VPS13B: variants seen among roughly 807,000 people sequenced by gnomAD.
VPS13B encodes the protein intermembrane lipid transfer protein VPS13B.
A neutral mutation model predicts 426.4 loss-of-function variants in VPS13B; 285 were observed. That is an observed-to-expected ratio of 0.67 (90% CI 0.61 to 0.74). VPS13B has a LOEUF of 0.74. Among genes scored for constraint, VPS13B ranks in the 30% least tolerant of loss-of-function variants. The pLI is 0.00. For synonymous variants in VPS13B, 1,676 were observed against 1,676.4 expected, an observed-to-expected ratio of 1.00 and a Z score of 0.01; for missense variants, 4,537 against 4,782.6, an observed-to-expected ratio of 0.95 and a Z score of 1.51.
intron 33 of VPS13B, among the ~76,000 whole-genome samples, chr8:99,598,716 T>G (rs1250073330): frequency 6.6e-6 from 1 of 151,934 alleles, no homozygotes; most frequent in East Asian, 1.9e-4. Flanking sequence ...TAATTGAGCA[T>G]TCCTTCCTTT....
chr8:99,477,488 G>T (rs1257333381), intron 24 of VPS13B, among the ~76,000 whole-genome samples: 1 of 152,154 alleles, frequency 6.6e-6, no homozygotes, highest in East Asian at 1.9e-4. Context: ...ATTGCATACT[G>T]AGGTATACTG....
intron 3 of VPS13B, among the ~76,000 whole-genome samples, chr8:99,059,730 C>CTTTTTTT (rs34620587): frequency 1.5e-4 from 16 of 110,172 alleles, no homozygotes; most frequent in Middle Eastern, 6.8e-3. Context: ...TTAGCTTCTG[C>CTTTTTTT]TTTTTTTTTT....
intron 17 of VPS13B, among the ~76,000 whole-genome samples, chr8:99,193,634 G>A (rs934661757): frequency 2.0e-5 from 3 of 152,166 alleles, no homozygotes; most frequent in East Asian, 3.9e-4. Flanking sequence ...ATAATGTTAT[G>A]TTTGTCAGTA....
intron 54 of VPS13B, among the ~76,000 whole-genome samples, chr8:99,837,740 C>G (rs1815468613): frequency 6.6e-6 from 1 of 152,014 alleles, no homozygotes; most frequent in Admixed American, 6.6e-5. Flanking sequence ...ACCGACATCT[C>G]CTCAGTAATA....
At chr8:99,697,414 G>T (rs1832074522) in intron 35 of VPS13B, 2 of 657,740 alleles carry the variant, frequency 3.0e-6, no homozygotes, top group East Asian at 5.1e-5. Context: ...ACTGCCCCCT[G>T]CTAGAGAGCT....
At chr8:99,245,941 G>A (rs754380306) in intron 17 of VPS13B, among the ~76,000 whole-genome samples, 2 of 152,216 alleles carry the variant, frequency 1.3e-5, no homozygotes, top group South Asian at 2.1e-4. Flanking sequence ...GATTACAGCT[G>A]TTTGTCAAAA....
chr8:99,761,242 G>A (rs1458925718), intron 39 of VPS13B, among the ~76,000 whole-genome samples: 1 of 152,208 alleles, frequency 6.6e-6, no homozygotes, highest in Non-Finnish European at 1.5e-5. Flanking sequence ...GTAATCTATT[G>A]TTTTCTGAAT....
chr8:99,515,080 T>G (rs188226000), intron 29 of VPS13B, among the ~76,000 whole-genome samples: 1 of 152,190 alleles, frequency 6.6e-6, no homozygotes, highest in African/African-American at 2.4e-5. Flanking sequence ...TACTTACCAA[T>G]GGTTTATTGA....
intron 34 of VPS13B, among the ~76,000 whole-genome samples, chr8:99,646,798 T>A (rs1392693192): frequency 6.6e-6 from 1 of 152,078 alleles, no homozygotes; most frequent in Non-Finnish European, 1.5e-5. Flanking sequence ...GTTTAAAGAA[T>A]GTGGCGCCTC....
chr8:99,376,632 A>G (rs903928630), intron 19 of VPS13B, among the ~76,000 whole-genome samples: 9 of 152,294 alleles, frequency 5.9e-5, no homozygotes, highest in African/African-American at 2.2e-4. Context: ...TGTACCAATC[A>G]CATGTTGAGA....
intron 21 of VPS13B, among the ~76,000 whole-genome samples, chr8:99,392,914 G>A (rs1167401792): frequency 1.3e-5 from 2 of 151,982 alleles, no homozygotes; most frequent in African/African-American, 4.8e-5. Flanking sequence ...TATAGTTTGT[G>A]TTGAGTTTTG....
At chr8:99,816,605 AG>A (rs1300313301) in intron 44 of VPS13B, among the ~76,000 whole-genome samples, 6 of 152,062 alleles carry the variant, frequency 3.9e-5, no homozygotes, top group African/African-American at 1.4e-4. Flanking sequence ...CAGGAGTTTG[AG>A]ACCAGCCTAG....
At chr8:99,363,688 C>T (rs1812688767) in intron 19 of VPS13B, among the ~76,000 whole-genome samples, 3 of 152,026 alleles carry the variant, frequency 2.0e-5, no homozygotes, top group Non-Finnish European at 2.9e-5. Context: ...TCTTTCACTT[C>T]CTTGGTTAAA....
Position 99,876,663 on chromosome 8 carries a change from T to C in VPS13B, c.*997T>C, listed in dbSNP as rs1458150878. On this transcript the variant is annotated 3_prime_UTR_variant, in exon 62 of 62. Transcript: ENST00000357162. ...ATTCCCAGTGTCTGTCTGATAATAT[T>C]TTGCATCTAAGAATGGGTTTGACTC... The C allele has an allele frequency of 1.3e-5, 2 of 152,198 alleles. No individual in the cohort carries two copies. The highest frequency in any genetic ancestry group is 2.9e-5 in the Non-Finnish European group (2 of 68,036). The allele number at this position is 152,198 out of a possible 1,614,324, so 9.4% of individuals were successfully genotyped here. A position where few individuals can be genotyped will look rare whatever the true frequency, so the allele number is the denominator to read the frequency against.
At chr8:99,269,397 G>A (rs1232719257) in intron 17 of VPS13B, among the ~76,000 whole-genome samples, 1 of 152,014 alleles carries the variant, frequency 6.6e-6, no homozygotes, top group Non-Finnish European at 1.5e-5. Context: ...TTTCAAATGT[G>A]GGTATTTTCA....
At chr8:99,720,013 T>C (rs1833074157) in intron 37 of VPS13B, among the ~76,000 whole-genome samples, 1 of 152,196 alleles carries the variant, frequency 6.6e-6, no homozygotes, top group African/African-American at 2.4e-5. Context: ...AGGATCTTCA[T>C]TGCCTTCTCT....
intron 35 of VPS13B, among the ~76,000 whole-genome samples, chr8:99,690,035 T>C (rs770722060): frequency 3.2e-4 from 49 of 152,332 alleles, no homozygotes; most frequent in Non-Finnish European, 5.9e-4. Context: ...TTGCACCTTT[T>C]TTTTATTGTT....
At chr8:99,586,383 A>G (rs1019462335) in intron 33 of VPS13B, among the ~76,000 whole-genome samples, 5 of 152,224 alleles carry the variant, frequency 3.3e-5, no homozygotes, top group Admixed American at 2.0e-4. Flanking sequence ...TCAGCAGTCT[A>G]TATCTATGCA....
At chr8:99,627,664 G>T (rs1828672786) in intron 33 of VPS13B, among the ~76,000 whole-genome samples, 1 of 152,126 alleles carries the variant, frequency 6.6e-6, no homozygotes, top group South Asian at 2.1e-4. Context: ...GATTACAGGT[G>T]TGAGCCACCA....
Sources: gnomAD v4.1 joint callset for allele counts (sites outside exome capture counted in the v4.1 genomes callset) on GRCh38, gnomAD v4.1.1 for gene constraint, MANE v1.5 for transcripts, NCBI Gene and HGNC (gene_info 2026-07-23, HGNC 2026-07-21) for gene names.